Variants in PDCD6IP observed in about 807,000 individuals in gnomAD.
The protein encoded by PDCD6IP is programmed cell death 6-interacting protein.
PDCD6IP carries 43 observed loss-of-function variants against 103.7 expected under a neutral mutation model. The ratio of observed to expected loss-of-function variants is 0.41; its 90% CI spans 0.32 to 0.53. PDCD6IP has a LOEUF of 0.53. PDCD6IP is among the 20% of genes least tolerant of loss of function. PDCD6IP has a pLI of 0.16. For synonymous variants in PDCD6IP, 354 were observed against 378.7 expected (o/e 0.93, Z 0.76); for missense variants, 871 against 1,036.7 (o/e 0.84, Z 2.20).
At chr3:33,842,102 G>GTA in intron 10 of PDCD6IP, 28 bp downstream of exon 10, 1 of 1,380,214 alleles carries the variant, frequency 7.2e-7, no homozygotes, top group South Asian at 1.3e-5. Context: ...TGCTTTTCAA[G>GTA]TATAAACACT....
At chr3:33,812,349 T>A (rs193066554) in intron 2 of PDCD6IP, among the ~76,000 whole-genome samples, 1 of 152,324 alleles carries the variant, frequency 6.6e-6, no homozygotes. Context: ...ATGGTTTGTT[T>A]TTCTTTGGAC....
At chr3:33,801,554 T>C (rs182326658) in intron 1 of PDCD6IP, among the ~76,000 whole-genome samples, 1 of 152,298 alleles carries the variant, frequency 6.6e-6, no homozygotes, top group Admixed American at 6.5e-5. Flanking sequence ...TAATTCCAGC[T>C]GAGGCAGAAG....
chr3:33,813,989 A>G (rs904393960), intron 3 of PDCD6IP, among the ~76,000 whole-genome samples: 3 of 152,178 alleles, frequency 2.0e-5, no homozygotes, highest in African/African-American at 7.2e-5. Flanking sequence ...GCCTTGAAGG[A>G]TGGATTTGTA....
chr3:33,813,147 A>G (rs1696755772), intron 2 of PDCD6IP: 1 of 154,660 alleles, frequency 6.5e-6, no homozygotes, highest in East Asian at 1.9e-4. Flanking sequence ...ATATTAACCT[A>G]TTCCCCAAAA....
At chr3:33,803,020 T>A (rs543341292) in intron 1 of PDCD6IP, among the ~76,000 whole-genome samples, 1 of 152,372 alleles carries the variant, frequency 6.6e-6, no homozygotes, top group South Asian at 2.1e-4. Context: ...TGGCTTTCTC[T>A]TTTTCATTCA....
intron 1 of PDCD6IP, among the ~76,000 whole-genome samples, chr3:33,811,679 C>CTAA: frequency 6.6e-6 from 1 of 152,316 alleles, no homozygotes; most frequent in South Asian, 2.1e-4. Context: ...TAGAGATGGG[C>CTAA]TTACCCAAAA....
chr3:33,844,463 A>G (rs1388304670), intron 11 of PDCD6IP, among the ~76,000 whole-genome samples: 1 of 152,202 alleles, frequency 6.6e-6, no homozygotes, highest in African/African-American at 2.4e-5. Flanking sequence ...TTTCTGTTCC[A>G]AACTCTGTGC....
intron 3 of PDCD6IP, among the ~76,000 whole-genome samples, chr3:33,818,659 CA>C (rs1456769573): frequency 1.3e-5 from 2 of 151,658 alleles, no homozygotes; most frequent in Non-Finnish European, 1.5e-5. Context: ...GCTGGGACTA[CA>C]GGTGTGCGCC....
At chr3:33,830,526 C>G (rs1435082766) in intron 7 of PDCD6IP, among the ~76,000 whole-genome samples, 1 of 152,086 alleles carries the variant, frequency 6.6e-6, no homozygotes, top group Non-Finnish European at 1.5e-5. Context: ...TACTTTTCCT[C>G]AGTTATAGAC....
chr3:33,802,600 C>G (rs1310924594), intron 1 of PDCD6IP, among the ~76,000 whole-genome samples: 1 of 151,922 alleles, frequency 6.6e-6, no homozygotes, highest in Non-Finnish European at 1.5e-5. Flanking sequence ...AACGATTCTC[C>G]TGCCTCAGCC....
At chr3:33,858,529 G>A (rs538565366) in intron 15 of PDCD6IP, among the ~76,000 whole-genome samples, 8 of 151,762 alleles carry the variant, frequency 5.3e-5, no homozygotes, top group East Asian at 2.0e-4. Flanking sequence ...AAACATATGC[G>A]GCCAGGCGCG....
chr3:33,842,046 T>C lies in PDCD6IP; in HGVS notation c.1331T>C (p.Leu444Pro). The change falls in exon 10 of 18, where the codon CTG (leucine) becomes CCG (proline). Residue 444 changes from leucine to proline, a missense_variant. Leu to Pro is a moderately conservative substitution (Grantham distance 98). This residue lies in a region of PDCD6IP where 266 missense variants were observed against 390.5 expected (regional missense o/e 0.68). Transcript: ENST00000307296. ...TTGATTAAAGAACTGCCTGAATTAC[T>C]GCAACGAAATAGAGAAATCCTAGAT... ...DQLIKELPEL[L>P]QRNREILDES... 1 of 1,612,960 alleles carries C rather than the reference T, an allele frequency of 6.2e-7. No individual in the cohort carries two copies. Among genetic ancestry groups the C allele is most frequent in the Non-Finnish European group, 8.5e-7 (1 of 1,179,306 alleles).
chr3:33,838,614 A>G (rs1427783998), intron 9 of PDCD6IP, among the ~76,000 whole-genome samples: 2 of 152,182 alleles, frequency 1.3e-5, no homozygotes, highest in East Asian at 1.9e-4. Flanking sequence ...TACATGGTAC[A>G]TTTAGTGTTC....
chr3:33,841,036 T>A (rs907343085), intron 9 of PDCD6IP, among the ~76,000 whole-genome samples: 1 of 149,832 alleles, frequency 6.7e-6, no homozygotes, highest in Non-Finnish European at 1.5e-5. Context: ...CTTTTTTTTT[T>A]TTTTCCCCCG....
chr3:33,815,436 T>C (rs760093800), intron 3 of PDCD6IP, among the ~76,000 whole-genome samples: 2 of 152,186 alleles, frequency 1.3e-5, no homozygotes, highest in Non-Finnish European at 2.9e-5. Context: ...GGCACTATTA[T>C]TGCCAGTTGA....
chr3:33,809,258 A>G (rs1696664398), intron 1 of PDCD6IP, among the ~76,000 whole-genome samples: 2 of 152,176 alleles, frequency 1.3e-5, no homozygotes, highest in Non-Finnish European at 2.9e-5. Flanking sequence ...TAAATTCTTA[A>G]TGTCCTAAAA....
chr3:33,798,958 G>A, intron 1 of PDCD6IP, 21 bp downstream of exon 1: 1 of 1,505,364 alleles, frequency 6.6e-7, no homozygotes, highest in Non-Finnish European at 9.0e-7. Flanking sequence ...GGCTGGGAGT[G>A]GGTAGGTTGT....
chr3:33,806,786 A>G (rs1221044548), intron 1 of PDCD6IP, among the ~76,000 whole-genome samples: 2 of 152,204 alleles, frequency 1.3e-5, no homozygotes, highest in African/African-American at 4.8e-5. Flanking sequence ...CTGAACTATG[A>G]GGGATAATAC....
Position 33,833,736 on chromosome 3 carries a change from G to A in PDCD6IP, c.835-2308G>A, listed in dbSNP as rs564373999. ...GTGAGCTTTCATTATCTACTGGAAA[G>A]ATATACTGCTTGTTTTCAGTTTTTT... On this transcript the variant is annotated intron_variant, in intron 7 of 17. Coordinates refer to ENST00000307296, the MANE Select transcript of PDCD6IP (RefSeq NM_013374.6). 1.4e-4 allele frequency among the ~76,000 whole-genome samples: 22 copies of A among 152,238 alleles called. 1 individual carries two copies. The South Asian group carries it at 4.4e-3, about 30-fold the overall frequency.
Sources: allele counts gnomAD v4.1 joint callset (sites outside exome capture counted in the v4.1 genomes callset), GRCh38; gene constraint gnomAD v4.1.1; regional missense constraint gnomAD v4.1.1; transcripts MANE v1.5; gene names NCBI Gene and HGNC (gene_info 2026-07-23, HGNC 2026-07-21).